Variants in ALG14 observed in about 807,000 individuals in gnomAD.
ALG14 encodes the protein UDP-N-acetylglucosamine transferase subunit ALG14.
ALG14 carries 17 observed loss-of-function variants against 22.8 expected under a neutral mutation model. The ratio of observed to expected loss-of-function variants is 0.75; its 90% CI spans 0.51 to 1.12. ALG14 has a LOEUF of 1.12. ALG14 is among the 50% of genes most tolerant of loss of function. The probability of loss-of-function intolerance (pLI) is 0.00; values close to 1 mark genes in which losing one functional copy is unlikely to be tolerated. For synonymous variants in ALG14, 89 were observed against 103.7 expected (o/e 0.86, Z 0.86); for missense variants, 288 against 271.8 (o/e 1.06, Z -0.42).
rs1365412620 is a variant in ALG14, at chr1:95,068,141, T to C, written c.137-3124A>G. Among the ~76,000 whole-genome samples the C allele has an allele frequency of 3.9e-5, 6 of 152,366 alleles. No homozygotes were observed. The East Asian group carries it at 1.2e-3, about 29-fold the overall frequency. ...TACTATGAGGGCAGGGATTTGTGTT[T>C]GTTACTGCTGTACCTCCTATTCCTA... On this transcript the variant is annotated intron_variant, in intron 1 of 3. Transcript: ENST00000370205.
intron 2 of ALG14, among the ~76,000 whole-genome samples, chr1:95,045,439 G>C (rs1054642587): frequency 2.0e-5 from 3 of 152,028 alleles, no homozygotes; most frequent in Non-Finnish European, 4.4e-5. Context: ...TGGAATAATA[G>C]GTTATTTGTG....
At chr1:95,025,557 A>T (rs1418325137) in intron 3 of ALG14, among the ~76,000 whole-genome samples, 1 of 152,226 alleles carries the variant, frequency 6.6e-6, no homozygotes, top group Non-Finnish European at 1.5e-5. Context: ...CGTCGAATAT[A>T]AGGCAGTTTT....
chr1:95,033,574 CCTT>C (rs1191130997), intron 2 of ALG14, among the ~76,000 whole-genome samples: 1 of 151,942 alleles, frequency 6.6e-6, no homozygotes, highest in Non-Finnish European at 1.5e-5. Flanking sequence ...ATGGGCTACT[CCTT>C]CTGTATTCCC....
chr1:95,053,257 T>C (rs79791805), intron 2 of ALG14, among the ~76,000 whole-genome samples: 7,014 of 152,256 alleles, frequency 0.046, 218 homozygotes, highest in South Asian at 0.087. Context: ...TCTATGTTAA[T>C]GTTAGATAAA....
At chr1:95,060,985 G>A (rs577663567) in intron 2 of ALG14, among the ~76,000 whole-genome samples, 142 of 152,266 alleles carry the variant, frequency 9.3e-4, no homozygotes, top group African/African-American at 3.1e-3. Flanking sequence ...AAAAAGGCAT[G>A]TGAAGACAGA....
intron 2 of ALG14, among the ~76,000 whole-genome samples, chr1:95,053,918 C>T (rs1361016606): frequency 6.6e-6 from 1 of 152,196 alleles, no homozygotes; most frequent in East Asian, 1.9e-4. Context: ...TAAGTCTCAA[C>T]AAATACCAAG....
chr1:94,997,068 A>G (rs1228399253), intron 3 of ALG14, among the ~76,000 whole-genome samples: 1 of 152,230 alleles, frequency 6.6e-6, no homozygotes, highest in Non-Finnish European at 1.5e-5. Flanking sequence ...GAAAAACAGA[A>G]AGACATTAAT....
chr1:95,059,423 T>C (rs1439413577), intron 2 of ALG14, among the ~76,000 whole-genome samples: 1 of 143,064 alleles, frequency 7.0e-6, no homozygotes, highest in South Asian at 2.2e-4. Flanking sequence ...AAAAAAAACA[T>C]ATTATTCTTG....
chr1:95,060,749 C>A (rs1675118671), intron 2 of ALG14, among the ~76,000 whole-genome samples: 1 of 151,918 alleles, frequency 6.6e-6, no homozygotes, highest in African/African-American at 2.4e-5. Flanking sequence ...AAATAAAAAT[C>A]CAAAATATTT....
At chr1:94,993,744 C>T (rs1383130506) in intron 3 of ALG14, among the ~76,000 whole-genome samples, 1 of 152,174 alleles carries the variant, frequency 6.6e-6, no homozygotes, top group Non-Finnish European at 1.5e-5. Flanking sequence ...CTAGACTTCC[C>T]AGCCTACTTG....
chr1:95,023,929 C>T (rs1475111345), intron 3 of ALG14, among the ~76,000 whole-genome samples: 3 of 152,156 alleles, frequency 2.0e-5, no homozygotes, highest in African/African-American at 7.2e-5. Context: ...TATGTGGAAG[C>T]TTTTCTAGAA....
chr1:95,039,287 G>A (rs1474498583), intron 2 of ALG14, among the ~76,000 whole-genome samples: 4 of 152,158 alleles, frequency 2.6e-5, no homozygotes, highest in Admixed American at 6.5e-5. Context: ...ATGCATTCAA[G>A]AAATACCAGT....
In ALG14 at chr1:94,978,919, G is replaced by C. The variant is rs1194093818; in HGVS notation, c.*4157C>G. On this transcript the variant is annotated 3_prime_UTR_variant, in exon 4 of 4. Transcript: ENST00000370205. Reference sequence around the variant, plus strand: ...AGCTAGAATGCCTTGGTTCAAATCTGAGCTTTGTCACTTTCTAGTTCTATA... The same window carrying C: ...AGCTAGAATGCCTTGGTTCAAATCTCAGCTTTGTCACTTTCTAGTTCTATA... The C allele has an allele frequency of 6.7e-6, 1 of 150,200 alleles. No homozygotes were observed. The highest frequency in any genetic ancestry group is 1.5e-5 in the Non-Finnish European group (1 of 67,846). 9.3% of individuals were successfully genotyped at this position (150,200 alleles called of 1,614,324 possible).
At chr1:95,043,816 G>A (rs1411689437) in intron 2 of ALG14, among the ~76,000 whole-genome samples, 1 of 151,518 alleles carries the variant, frequency 6.6e-6, no homozygotes, top group Non-Finnish European at 1.5e-5. Flanking sequence ...GTTGAAGAGA[G>A]AGGAGAGGAA....
chr1:95,069,268 G>A (rs1208813524), intron 1 of ALG14, among the ~76,000 whole-genome samples: 1 of 152,116 alleles, frequency 6.6e-6, no homozygotes, highest in Non-Finnish European at 1.5e-5. Context: ...TTGATCCCAG[G>A]ATTTAGAGGC....
intron 3 of ALG14, among the ~76,000 whole-genome samples, chr1:94,998,345 T>C (rs758361692): frequency 3.9e-5 from 6 of 152,134 alleles, no homozygotes; most frequent in Non-Finnish European, 7.4e-5. Context: ...TGGCCCACTA[T>C]GGTGTAAGTC....
At chr1:95,057,345 G>A (rs1674969907) in intron 2 of ALG14, among the ~76,000 whole-genome samples, 1 of 151,536 alleles carries the variant, frequency 6.6e-6, no homozygotes, top group Admixed American at 6.6e-5. Flanking sequence ...ATGGATAACT[G>A]TATCTGTACT....
At chr1:95,035,839 AC>A (rs1674170984) in intron 2 of ALG14, 2 of 152,240 alleles carry the variant, frequency 1.3e-5, no homozygotes, top group African/African-American at 4.8e-5. Flanking sequence ...ACTGAAACAT[AC>A]AATACCTTTA....
At chr1:95,004,382 T>C (rs1317120460) in intron 3 of ALG14, among the ~76,000 whole-genome samples, 1 of 151,962 alleles carries the variant, frequency 6.6e-6, no homozygotes. Context: ...CCACCATACC[T>C]GGCTAATTTT....
Sources: allele counts gnomAD v4.1 joint callset (sites outside exome capture counted in the v4.1 genomes callset), GRCh38; gene constraint gnomAD v4.1.1; transcripts MANE v1.5; gene names NCBI Gene and HGNC (gene_info 2026-07-23, HGNC 2026-07-21).